WHAMM: variants seen among roughly 807,000 people sequenced by gnomAD.
WHAMM encodes the protein WASP homolog associated with actin, golgi membranes and microtubules, also known as WASP homolog-associated protein with actin, membranes and microtubules.
Under a neutral mutation model 76.5 loss-of-function variants are expected in WHAMM, and 67 were observed. That is an observed-to-expected ratio of 0.88 (90% CI 0.72 to 1.07). The LOEUF (loss-of-function observed/expected upper bound fraction) is 1.07. Among genes scored for constraint, WHAMM ranks in the 50% least tolerant of loss-of-function variants. The pLI is 0.00. For missense variants in WHAMM, 1,021 were observed against 1,051.1 expected, an observed-to-expected ratio of 0.97 and a Z score of 0.40; for synonymous variants, 419 against 422.1, an observed-to-expected ratio of 0.99 and a Z score of 0.09.
chr15:82,814,768 T>TTC (rs1427439698), intron 2 of WHAMM, among the ~76,000 whole-genome samples: 8 of 128,484 alleles, frequency 6.2e-5, no homozygotes, highest in Non-Finnish European at 1.1e-4. Flanking sequence ...TTTCCTTTCT[T>TTC]TTTTTTTTTT....
Position 82,810,348 on chromosome 15 carries a change from C to G in WHAMM, c.609+13C>G, listed in dbSNP as rs987688594. The G allele has an allele frequency of 3.1e-6, 4 of 1,303,996 alleles. No homozygotes were observed. The highest frequency in any genetic ancestry group is 3.9e-5 in the Admixed American group (1 of 25,426). The allele number at this position is 1,303,996 out of a possible 1,614,324, so 80.8% of individuals were successfully genotyped here. Reference sequence around the variant, plus strand: ...GCGGCTGCGCCAGGTAAGCGAGGCCCGGTCGCCGGCGTTCGTCCGCGCTTC... The same window carrying G: ...GCGGCTGCGCCAGGTAAGCGAGGCCGGGTCGCCGGCGTTCGTCCGCGCTTC... On this transcript the variant is annotated intron_variant, in intron 1 of 9. Coordinates refer to ENST00000286760, the MANE Select transcript of WHAMM (RefSeq NM_001080435.3).
chr15:82,818,798 C>T (rs1157108702), intron 4 of WHAMM, among the ~76,000 whole-genome samples: 3 of 152,170 alleles, frequency 2.0e-5, no homozygotes, highest in Non-Finnish European at 2.9e-5. Context: ...CTGGAAAGTC[C>T]AAGATCAAGG....
At chr15:82,824,340 A>ATT (rs2050893895) in intron 6 of WHAMM, among the ~76,000 whole-genome samples, 1 of 149,798 alleles carries the variant, frequency 6.7e-6, no homozygotes, top group South Asian at 2.1e-4. Flanking sequence ...ATATATATAT[A>ATT]TTTTTGAGAT....
chr15:82,832,053 A>G (rs1327818033), intron 9 of WHAMM, among the ~76,000 whole-genome samples: 1 of 152,214 alleles, frequency 6.6e-6, no homozygotes, highest in African/African-American at 2.4e-5. Context: ...GGGGTTTGCA[A>G]CAACTGCCCT....
chr15:82,829,502 ATGG>A (rs1300201528), intron 8 of WHAMM, among the ~76,000 whole-genome samples: 2 of 152,230 alleles, frequency 1.3e-5, no homozygotes, highest in African/African-American at 4.8e-5. Context: ...TTCTGCTGGC[ATGG>A]TCTCTGACAG....
rs1201567476 is a variant in WHAMM at position 82,831,091 on chromosome 15, G to T, written c.2122+12G>T. 3 of 1,600,030 alleles carry T rather than the reference G, an allele frequency of 1.9e-6. No individual in the cohort carries two copies. The highest frequency in any genetic ancestry group is 1.7e-5 in the Admixed American group (1 of 59,952). On this transcript the variant is annotated intron_variant, in intron 9 of 9. Transcript: ENST00000286760. ...TTTTTCATGTCCAGGTAATCCACTG[G>T]AATTCTGTCCCTGCTCCCCATGAGT...
In WHAMM at chr15:82,833,418, A is replaced by G. The variant is rs2051070489; in HGVS notation, c.2312A>G (p.Asn771Ser). Residue 771 changes from asparagine to serine, a missense_variant, in exon 10 of 10, where the codon AAC becomes AGC. By Grantham distance (46) the Asn-to-Ser change is conservative. Transcript: ENST00000286760. ...AACCCCAGCAGCAAACCAACCAGCAACAGACGCACCAGTGACCTTGAGAGG... is the reference window on the plus strand; with the variant it reads ...AACCCCAGCAGCAAACCAACCAGCAGCAGACGCACCAGTGACCTTGAGAGG... ...GPNPSSKPTS[N>S]RRTSDLERSI... 1.9e-6 allele frequency: 3 copies of G among 1,614,040 alleles called. No individual in the cohort carries two copies. Among genetic ancestry groups the G allele is most frequent in the Non-Finnish European group, 2.5e-6 (3 of 1,179,900 alleles).
intron 6 of WHAMM, among the ~76,000 whole-genome samples, chr15:82,824,041 A>G (rs956344063): frequency 6.6e-6 from 1 of 152,114 alleles, no homozygotes; most frequent in African/African-American, 2.4e-5. Context: ...TAAAAAATCC[A>G]TGAATACATA....
intron 6 of WHAMM, 61 bp from the exon 7 acceptor site, chr15:82,826,349 C>T: frequency 3.2e-6 from 5 of 1,569,148 alleles, no homozygotes; most frequent in Admixed American, 1.7e-5. Flanking sequence ...TTCTTTTAAT[C>T]TTTTATGCTA....
In WHAMM at chr15:82,834,640, T is replaced by TA. The variant is rs1415846537; in HGVS notation, c.*1107dup. On this transcript the variant is annotated 3_prime_UTR_variant, in exon 10 of 10. Coordinates refer to ENST00000286760, the MANE Select transcript of WHAMM (RefSeq NM_001080435.3). ...AATGTTATTTTATCAGTAATCAGAA[T>TA]AAATTGCTTATATTCAGGAGTTATT... 2 of 152,662 alleles carry TA rather than the reference T, an allele frequency of 1.3e-5. No individual in the cohort carries two copies. Among genetic ancestry groups the TA allele is most frequent in the Non-Finnish European group, 2.9e-5 (2 of 68,040 alleles). 9.5% of individuals were successfully genotyped at this position (152,662 alleles called of 1,614,324 possible). A position where few individuals can be genotyped will look rare whatever the true frequency, so the allele number is the denominator to read the frequency against.
intron 3 of WHAMM, among the ~76,000 whole-genome samples, 180 bp downstream of exon 3, chr15:82,817,022 C>A (rs1046121787): frequency 6.6e-6 from 1 of 152,138 alleles, no homozygotes. Context: ...ATTATCTATT[C>A]ATTGAAGCAC....
chr15:82,816,359 A>T (rs2050725962), intron 2 of WHAMM, among the ~76,000 whole-genome samples: 1 of 152,248 alleles, frequency 6.6e-6, no homozygotes, highest in Admixed American at 6.5e-5. Context: ...TGAGTGCTTG[A>T]CAACACAGAT....
intron 9 of WHAMM, among the ~76,000 whole-genome samples, chr15:82,832,085 C>T (rs576631207): frequency 7.9e-4 from 120 of 152,270 alleles, no homozygotes; most frequent in African/African-American, 2.5e-3. Flanking sequence ...GTAAAGAGTT[C>T]GCGTGGCTGT....
intron 2 of WHAMM, among the ~76,000 whole-genome samples, chr15:82,815,111 T>TTATATATATATATATATATA (rs147147568): frequency 2.0e-5 from 1 of 49,608 alleles, no homozygotes; most frequent in Non-Finnish European, 3.5e-5. Flanking sequence ...CTCACAGATT[T>TTATATATATATATATATATA]TATATATATA....
intron 5 of WHAMM, among the ~76,000 whole-genome samples, chr15:82,820,028 GAAA>G (rs777345181): frequency 7.5e-6 from 1 of 134,092 alleles, no homozygotes; most frequent in Admixed American, 7.4e-5. Flanking sequence ...TCTTGAAAAG[GAAA>G]AAAAAAAAAA....
intron 3 of WHAMM, among the ~76,000 whole-genome samples, chr15:82,817,096 A>C (rs1419166212): frequency 6.6e-6 from 1 of 152,236 alleles, no homozygotes; most frequent in Admixed American, 6.5e-5. Context: ...AGGGTCTGTG[A>C]GAGAGAAATT....
intron 6 of WHAMM, among the ~76,000 whole-genome samples, chr15:82,823,523 A>G (rs1366090757): frequency 6.6e-6 from 1 of 152,130 alleles, no homozygotes; most frequent in African/African-American, 2.4e-5. Context: ...TTCATTCAAC[A>G]ACTATTTGTT....
In WHAMM at chr15:82,833,453, G is replaced by A. The variant is rs781706778; in HGVS notation, c.2347G>A (p.Ala783Thr). Residue 783 changes from alanine (A) to threonine (T), a missense_variant, in exon 10 of 10, where the codon GCT becomes ACT. Physicochemically the swap from Ala to Thr is moderately conservative, Grantham distance 58 (BLOSUM62 0). Transcript: ENST00000286760. ...RTSDLERSIKAALQRIKRVSA... is the reference protein window; with the variant it reads ...RTSDLERSIKTALQRIKRVSA... ...CAGTGACCTTGAGAGGAGCATCAAGGCTGCGCTCCAGAGAATCAAGAGGGT... is the reference window on the plus strand; with the variant it reads ...CAGTGACCTTGAGAGGAGCATCAAGACTGCGCTCCAGAGAATCAAGAGGGT... 1 of 1,614,026 alleles carries A rather than the reference G, an allele frequency of 6.2e-7. No individual in the cohort carries two copies. The highest frequency in any genetic ancestry group is 2.2e-5 in the East Asian group (1 of 44,882).
chr15:82,816,980 T>C (rs1222656551), intron 3 of WHAMM, 138 bp downstream of exon 3: 4 of 841,078 alleles, frequency 4.8e-6, no homozygotes, highest in Non-Finnish European at 7.3e-6. Context: ...TTAAGAGACG[T>C]TGTACAGTCT....
Sources: gnomAD v4.1 joint callset for allele counts (sites outside exome capture counted in the v4.1 genomes callset) on GRCh38, gnomAD v4.1.1 for gene constraint, MANE v1.5 for transcripts, NCBI Gene and HGNC (gene_info 2026-07-23, HGNC 2026-07-21) for gene names.